The following RNF115 variants were observed in gnomAD, a reference collection of about 807,000 sequenced individuals.
RNF115 encodes the protein E3 ubiquitin-protein ligase RNF115.
A neutral mutation model predicts 39.2 loss-of-function variants in RNF115; 31 were observed. The ratio of observed to expected loss-of-function variants is 0.79; its 90% CI spans 0.59 to 1.07. The LOEUF is 1.07. Ranked by LOEUF, RNF115 falls within the 50% of genes least tolerant of loss-of-function variation. The pLI is 0.00. For synonymous variants in RNF115, 124 were observed against 131.0 expected (o/e 0.95, Z 0.37); for missense variants, 384 against 381.7 (o/e 1.01, Z -0.05).
chr1:145,824,038 G>A lies in RNF115; in HGVS notation c.-165C>T. On this transcript the variant is annotated 5_prime_UTR_variant, in exon 1 of 9. Transcript: ENST00000582693. ...TGGCCAGGCCCAGAAACGCGGCGGCGCCAACAGCTACCCTGCGGCCCGCCT... is the reference window on the plus strand; with the variant it reads ...TGGCCAGGCCCAGAAACGCGGCGGCACCAACAGCTACCCTGCGGCCCGCCT... The A allele has an allele frequency of 2.0e-6, 1 of 504,782 alleles. No individual in the cohort carries two copies. Among genetic ancestry groups the A allele is most frequent in the South Asian group, 3.1e-5 (1 of 32,720 alleles). 31.3% of individuals were successfully genotyped at this position (504,782 alleles called of 1,614,324 possible).
intron 1 of RNF115, among the ~76,000 whole-genome samples, chr1:145,795,044 G>A (rs1280430808): frequency 6.7e-6 from 1 of 150,100 alleles, no homozygotes; most frequent in Non-Finnish European, 1.5e-5. Flanking sequence ...AAAAGATAGT[G>A]TGTCCGGAGT....
chr1:145,818,096 A>C (rs1262065563), intron 1 of RNF115, among the ~76,000 whole-genome samples: 5 of 151,538 alleles, frequency 3.3e-5, no homozygotes, highest in Admixed American at 6.6e-5. Context: ...AAAACGATTT[A>C]TATTCCTCTG....
At chr1:145,784,471 T>A in intron 3 of RNF115, 68 bp downstream of exon 3, 1 of 1,354,774 alleles carries the variant, frequency 7.4e-7, no homozygotes, top group Non-Finnish European at 1.1e-6. Flanking sequence ...ACTGGAAAGT[T>A]AGTATCTGCC....
chr1:145,798,231 AAAGCCTTTCCTCTAAGTTTTAAGTTAT>A lies in RNF115; in HGVS notation c.103-9292_103-9266del, dbSNP rs1451335926. ...AAATCACTGCCAAATCCAAAGTTAT[AAAGCCTTTCCTCTAAGTTTTAAGTTAT>A]AAGCCTTTCCTCTAAGTTTTCTTTT... On this transcript the variant is annotated intron_variant, in intron 1 of 8. Transcript: ENST00000582693. 1.8e-4 allele frequency among the ~76,000 whole-genome samples: 27 copies of A among 152,296 alleles called. No homozygotes were observed. The East Asian group carries it at 2.3e-3, about 13-fold the overall frequency.
chr1:145,803,841 T>C (rs1405707292), intron 1 of RNF115, among the ~76,000 whole-genome samples: 3 of 152,202 alleles, frequency 2.0e-5, no homozygotes, highest in African/African-American at 7.2e-5. Flanking sequence ...GATACAAGCT[T>C]GATCAGATGG....
At chr1:145,749,739 A>G (rs1658008369) in intron 7 of RNF115, among the ~76,000 whole-genome samples, 1 of 152,124 alleles carries the variant, frequency 6.6e-6, no homozygotes, top group Admixed American at 6.6e-5. Context: ...CACTGCCCCT[A>G]GACTAATCTT....
chr1:145,764,534 G>A (rs1214542121), intron 4 of RNF115, among the ~76,000 whole-genome samples: 2 of 149,718 alleles, frequency 1.3e-5, no homozygotes, highest in South Asian at 2.1e-4. Context: ...CAGCCGCCCC[G>A]TCTGAGAAGT....
chr1:145,815,060 G>GT (rs1478571885), intron 1 of RNF115, among the ~76,000 whole-genome samples: 1 of 152,270 alleles, frequency 6.6e-6, no homozygotes, highest in African/African-American at 2.4e-5. Context: ...ACTTAGAAAG[G>GT]TCAGCTGAGC....
In RNF115 at chr1:145,801,754, T is replaced by G. The variant is rs587596508; in HGVS notation, c.103-12788A>C. On this transcript the variant is annotated intron_variant, in intron 1 of 8. Transcript: ENST00000582693. ...CCTCAGTAACTCATTTCTCTCTTTT[T>G]CAGTAACTCATTTCTAATTCAGTAA... 3.9e-5 allele frequency among the ~76,000 whole-genome samples: 6 copies of G among 152,226 alleles called. No individual in the cohort carries two copies. In the South Asian group the frequency reaches 1.2e-3, roughly 32 times the overall value.
At chr1:145,760,021 C>A (rs1380121293) in intron 4 of RNF115, among the ~76,000 whole-genome samples, 1 of 152,184 alleles carries the variant, frequency 6.6e-6, no homozygotes, top group Non-Finnish European at 1.5e-5. Context: ...TTATTTTGAT[C>A]ATCTATCTTT....
intron 1 of RNF115, among the ~76,000 whole-genome samples, chr1:145,818,258 C>G (rs1570701201): frequency 6.6e-6 from 1 of 152,194 alleles, no homozygotes; most frequent in East Asian, 1.9e-4. Context: ...TTGCCAACAA[C>G]TGTTATTCTT....
In RNF115 at chr1:145,748,198, G is replaced by A. The variant is rs587653894; in HGVS notation, c.668-88C>T. 3 of 852,444 alleles carry A rather than the reference G, an allele frequency of 3.5e-6. No individual in the cohort carries two copies. The African/African-American group carries it at 5.1e-5, about 14-fold the overall frequency. The allele number at this position is 852,444 out of a possible 1,614,324, so 52.8% of individuals were successfully genotyped here. On this transcript the variant is annotated intron_variant, in intron 7 of 8. Transcript: ENST00000582693. ...CAATGTCTCTACCAACCCTACGAAT[G>A]CATAAAGAAAAGACACAAGAGACAA...
Position 145,739,122 on chromosome 1 carries a change from A to G in RNF115, c.*7744T>C, listed in dbSNP as rs1657614486. 1 of 152,310 alleles carries G rather than the reference A, an allele frequency of 6.6e-6. No individual in the cohort carries two copies. Among genetic ancestry groups the G allele is most frequent in the Non-Finnish European group, 1.5e-5 (1 of 68,070 alleles). 9.4% of individuals were successfully genotyped at this position (152,310 alleles called of 1,614,324 possible). ...TAAATACTTGTTAACCTCTTTGGTC[A>G]TTTCTCTTTTTAAATAAATGCCCAT... is the stretch of plus-strand genomic sequence containing the variant. On this transcript the variant is annotated 3_prime_UTR_variant, in exon 9 of 9. Coordinates refer to ENST00000582693, the MANE Select transcript of RNF115 (RefSeq NM_014455.4).
chr1:145,783,745 G>A (rs1253671661), intron 3 of RNF115, among the ~76,000 whole-genome samples: 2 of 151,850 alleles, frequency 1.3e-5, no homozygotes, highest in African/African-American at 4.8e-5. Context: ...GGTACCTTCT[G>A]GGTTGTAGTC....
intron 4 of RNF115, among the ~76,000 whole-genome samples, chr1:145,758,087 C>G (rs1658369336): frequency 6.6e-6 from 1 of 152,148 alleles, no homozygotes; most frequent in Admixed American, 6.5e-5. Context: ...AGAGGTGGAG[C>G]TAATTCTCTT....
chr1:145,777,395 T>C (rs587764033), intron 3 of RNF115, among the ~76,000 whole-genome samples: 1 of 152,314 alleles, frequency 6.6e-6, no homozygotes, highest in South Asian at 2.1e-4. Context: ...AACATCAGCA[T>C]GAGGCATTTT....
intron 1 of RNF115, among the ~76,000 whole-genome samples, chr1:145,803,046 T>C (rs926349416): frequency 1.3e-5 from 2 of 152,134 alleles, no homozygotes; most frequent in Admixed American, 1.3e-4. Context: ...CTTTCTAGAG[T>C]ACAAATACTG....
intron 4 of RNF115, among the ~76,000 whole-genome samples, chr1:145,754,334 T>C (rs1431719336): frequency 7.0e-6 from 1 of 142,402 alleles, no homozygotes; most frequent in Non-Finnish European, 1.5e-5. Flanking sequence ...AATTTTCAGA[T>C]GTACAAAACA....
intron 4 of RNF115, among the ~76,000 whole-genome samples, chr1:145,754,670 TG>T (rs1553712937): frequency 6.6e-6 from 1 of 152,198 alleles, no homozygotes; most frequent in African/African-American, 2.4e-5. Context: ...TCACCCACGT[TG>T]TACAACAGAT....
Sources: gnomAD v4.1 joint callset for allele counts (sites outside exome capture counted in the v4.1 genomes callset) on GRCh38, gnomAD v4.1.1 for gene constraint, MANE v1.5 for transcripts, NCBI Gene and HGNC (gene_info 2026-07-23, HGNC 2026-07-21) for gene names.